The following MYOM2 variants were observed in gnomAD, a reference collection of about 807,000 sequenced individuals.
MYOM2 encodes the protein myomesin 2.
In MYOM2, 254 loss-of-function variants were observed where a neutral mutation model predicts 187.6. That is an observed-to-expected ratio of 1.35 (90% CI 1.22 to 1.50). MYOM2 has a LOEUF of 1.50. Ranked by LOEUF, MYOM2 falls within the 40% of genes most tolerant of loss-of-function variation. MYOM2 has a pLI of 0.00. For synonymous variants in MYOM2, 981 were observed against 753.8 expected (o/e 1.30, Z -4.94); for missense variants, 2,796 against 1,924.0 (o/e 1.45, Z -8.48).
intron 3 of MYOM2, among the ~76,000 whole-genome samples, chr8:2,053,892 A>T (rs758520378): frequency 1.3e-5 from 2 of 152,320 alleles, no homozygotes; most frequent in Non-Finnish European, 2.9e-5. Flanking sequence ...CATGGGGAAG[A>T]TCGTTTTGAA....
At position 2,078,736 on chromosome 8, in the gene MYOM2, G is replaced by A. The variant is rs1378403396; in HGVS notation, c.1265G>A (p.Cys422Tyr). The change falls in exon 12 of 37, where the codon TGT becomes TAT. Residue 422 changes from cysteine to tyrosine, a missense_variant and splice_region_variant. Coordinates refer to ENST00000262113, the MANE Select transcript of MYOM2 (RefSeq NM_003970.4). ...SPVMGYFVDRCEVGTNNWVQC... is the reference protein window; with the variant it reads ...SPVMGYFVDRYEVGTNNWVQC... ...GTTTTTCTTTTTTTAACTTGAAGAT[G>A]TGAAGTAGGAACGAATAATTGGGTG... 3.1e-6 allele frequency: 5 copies of A among 1,613,972 alleles called. No homozygotes were observed. The highest frequency in any genetic ancestry group is 3.4e-6 in the Non-Finnish European group (4 of 1,179,996).
intron 31 of MYOM2, among the ~76,000 whole-genome samples, chr8:2,128,089 CTTA>C (rs541150820): frequency 3.9e-5 from 6 of 152,058 alleles, no homozygotes; most frequent in East Asian, 1.9e-4. Context: ...AAAATAATTA[CTTA>C]TTATTTCATG....
chr8:2,109,341 C>G lies in MYOM2; in HGVS notation c.3044-54C>G, dbSNP rs984759851. On this transcript the variant is annotated intron_variant, in intron 24 of 36. Transcript: ENST00000262113. ...TATTTCCCTACAATTTGCAGGTATT[C>G]TTCCTCACAAGGATTCATGCATTAT... 4 of 1,524,356 alleles carry G rather than the reference C, an allele frequency of 2.6e-6. No homozygotes were observed. The African/African-American group carries it at 4.2e-5, about 16-fold the overall frequency. 94.4% of individuals were successfully genotyped at this position (1,524,356 alleles called of 1,614,324 possible).
chr8:2,108,960 G>A (rs2116811337), intron 24 of MYOM2, 130 bp downstream of exon 24: 1 of 883,470 alleles, frequency 1.1e-6, no homozygotes, highest in South Asian at 1.6e-5. Flanking sequence ...CCAGCTTACA[G>A]GATTGAAACC....
chr8:2,078,645 C>G, intron 11 of MYOM2, 89 bp from the exon 12 acceptor site: 1 of 1,165,066 alleles, frequency 8.6e-7, no homozygotes, highest in East Asian at 2.3e-5. Context: ...CTGTTATAAT[C>G]AGTGTGTGCA....
chr8:2,137,447 G>C (rs949374457), intron 32 of MYOM2, among the ~76,000 whole-genome samples: 1 of 152,070 alleles, frequency 6.6e-6, no homozygotes, highest in Non-Finnish European at 1.5e-5. Context: ...CAGGGAAGCA[G>C]GGTGGGGCCA....
intron 27 of MYOM2, among the ~76,000 whole-genome samples, chr8:2,117,198 C>A (rs1417141471): frequency 6.6e-6 from 1 of 152,130 alleles, no homozygotes; most frequent in East Asian, 1.9e-4. Context: ...AAATATTTTA[C>A]TTACTTCTAC....
chr8:2,141,164 T>A lies in MYOM2; in HGVS notation c.3988T>A (p.Phe1330Ile). 6.2e-7 allele frequency: 1 copy of A among 1,612,326 alleles called. No individual in the cohort carries two copies. Among genetic ancestry groups the A allele is most frequent in the Non-Finnish European group, 8.5e-7 (1 of 1,178,718 alleles). Reference sequence around the variant, plus strand: ...AGCTTTTGATGAAGCATTTGCAGAATTCCAGCAATTCAAGTAAGATTTGTG... The same window carrying A: ...AGCTTTTGATGAAGCATTTGCAGAAATCCAGCAATTCAAGTAAGATTTGTG... ...GQAFDEAFAE[F>I]QQFKAAAFAE... Residue 1330 changes from phenylalanine to isoleucine, a missense_variant, in exon 34 of 37, where the codon TTC becomes ATC. Phe to Ile is a conservative substitution (Grantham distance 21). Transcript: ENST00000262113.
intron 11 of MYOM2, among the ~76,000 whole-genome samples, chr8:2,077,571 A>C (rs559645686): frequency 1.5e-4 from 23 of 152,278 alleles, no homozygotes; most frequent in Non-Finnish European, 2.8e-4. Flanking sequence ...ACAGTTCTGC[A>C]GGGAGTGCTG....
At chr8:2,140,593 A>G in intron 32 of MYOM2, 130 bp from the exon 33 acceptor site, 1 of 855,650 alleles carries the variant, frequency 1.2e-6, no homozygotes, top group Non-Finnish European at 1.8e-6. Context: ...TAACAGCCAG[A>G]ATAATCTATT....
rs1563445305 is a variant in MYOM2 at position 2,085,621 on chromosome 8, CCCACAG to C, written c.1644+232_1644+237del. ...CACTGTCGTGATCTCTGCGTGGCCC[CCCACAG>C]TCGTGATCTCTTTGTGGCCCCCCAC... On this transcript the variant is annotated intron_variant, in intron 14 of 36. Coordinates refer to ENST00000262113, the MANE Select transcript of MYOM2 (RefSeq NM_003970.4). 2.9e-3 allele frequency among the ~76,000 whole-genome samples: 30 copies of C among 10,400 alleles called. 6 individuals carry two copies. Among genetic ancestry groups the C allele is most frequent in the African/African-American group, 0.021 (17 of 824 alleles). The allele number at this position is 10,400 out of a possible 152,430, so 6.8% of individuals were successfully genotyped here. A position where few individuals can be genotyped will look rare whatever the true frequency, so the allele number is the denominator to read the frequency against.
rs749102246 is a variant in MYOM2, at chr8:2,057,465, C to A, written c.381C>A (p.Asp127Glu). 3.1e-6 allele frequency: 5 copies of A among 1,614,078 alleles called. No individual in the cohort carries two copies. The highest frequency in any genetic ancestry group is 4.2e-6 in the Non-Finnish European group (5 of 1,179,994). ...GCTCCCAGGCCCGCGACAAGCTGGA[C>A]AAATACGCCATTCAGCAGATGGTAG... The part of the protein sequence containing the change: ...LARSQARDKL[D>E]KYAIQQMMED... Residue 127 changes from aspartate (D) to glutamate (E), a missense_variant, in exon 4 of 37, where the codon GAC (aspartate) becomes GAA (glutamate). Asp to Glu is a conservative substitution (Grantham distance 45, BLOSUM62 2). Coordinates refer to ENST00000262113, the MANE Select transcript of MYOM2 (RefSeq NM_003970.4).
intron 31 of MYOM2, among the ~76,000 whole-genome samples, chr8:2,124,689 A>G (rs938397488): frequency 6.6e-6 from 1 of 152,148 alleles, no homozygotes; most frequent in African/African-American, 2.4e-5. Context: ...TCTTTTCTAT[A>G]GTGGCTATAT....
intron 25 of MYOM2, among the ~76,000 whole-genome samples, chr8:2,111,734 G>T (rs1797074470): frequency 6.6e-6 from 1 of 152,140 alleles, no homozygotes. Context: ...TGTGCTTCCT[G>T]CAGTTGAGCC....
chr8:2,091,802 G>C (rs1300251051), intron 15 of MYOM2, among the ~76,000 whole-genome samples: 2 of 152,144 alleles, frequency 1.3e-5, no homozygotes, highest in African/African-American at 4.8e-5. Context: ...ACACACTGTG[G>C]GGTGTGTGGC....
At chr8:2,121,360 C>T (rs561919977) in intron 28 of MYOM2, among the ~76,000 whole-genome samples, 3 of 152,198 alleles carry the variant, frequency 2.0e-5, no homozygotes, top group South Asian at 2.1e-4. Flanking sequence ...GCGAGACCCC[C>T]GAGTTCTGCT....
chr8:2,095,993 G>A (rs937881464), intron 17 of MYOM2, among the ~76,000 whole-genome samples: 1 of 152,206 alleles, frequency 6.6e-6, no homozygotes, highest in South Asian at 2.1e-4. Flanking sequence ...TCCTATGGAA[G>A]CCTTAGTAGA....
At chr8:2,078,665 A>ATACC in intron 11 of MYOM2, 69 bp from the exon 12 acceptor site, 1 of 1,413,708 alleles carries the variant, frequency 7.1e-7, no homozygotes, top group East Asian at 2.3e-5. Flanking sequence ...ATATATGCAT[A>ATACC]TACCTATGTA....
At chr8:2,140,651 C>G in intron 32 of MYOM2, 72 bp from the exon 33 acceptor site, 1 of 1,473,854 alleles carries the variant, frequency 6.8e-7, no homozygotes, top group Non-Finnish European at 9.2e-7. Context: ...AGCAACGGGA[C>G]ATTGCCCTGT....
Sources: gnomAD v4.1 joint callset for allele counts (sites outside exome capture counted in the v4.1 genomes callset) on GRCh38, gnomAD v4.1.1 for gene constraint, MANE v1.5 for transcripts, NCBI Gene and HGNC (gene_info 2026-07-23, HGNC 2026-07-21) for gene names.